The following MYO3A variants were observed in gnomAD, a reference collection of about 807,000 sequenced individuals.
The protein encoded by MYO3A is myosin-IIIa.
A neutral mutation model predicts 192.7 loss-of-function variants in MYO3A; 180 were observed. The ratio of observed to expected loss-of-function variants is 0.93; its 90% CI spans 0.83 to 1.06. The LOEUF (loss-of-function observed/expected upper bound fraction) is 1.06. MYO3A is among the 50% of genes least tolerant of loss of function. MYO3A has a pLI of 0.00. For synonymous variants in MYO3A, 628 were observed against 645.3 expected, an observed-to-expected ratio of 0.97 and a Z score of 0.41; for missense variants, 1,896 against 1,905.0, an observed-to-expected ratio of 1.00 and a Z score of 0.09.
intron 31 of MYO3A, among the ~76,000 whole-genome samples, chr10:26,180,408 T>C (rs1842565596): frequency 6.6e-6 from 1 of 152,150 alleles, no homozygotes; most frequent in Non-Finnish European, 1.5e-5. Context: ...TACCTCATAA[T>C]TAACTATAAA....
At chr10:26,149,342 C>A (rs1466262845) in intron 23 of MYO3A, among the ~76,000 whole-genome samples, 1 of 152,076 alleles carries the variant, frequency 6.6e-6, no homozygotes, top group African/African-American at 2.4e-5. Context: ...TCAAGAGATT[C>A]TCCTACTCCA....
chr10:26,146,380 C>T (rs987858204), intron 22 of MYO3A, among the ~76,000 whole-genome samples: 1 of 152,194 alleles, frequency 6.6e-6, no homozygotes, highest in South Asian at 2.1e-4. Context: ...TTAGTCTGCT[C>T]GGGCTGCCAT....
chr10:26,070,525 C>T, intron 14 of MYO3A, 124 bp downstream of exon 14: 2 of 876,206 alleles, frequency 2.3e-6, no homozygotes, highest in Non-Finnish European at 3.6e-6. Context: ...TTTTAAAATA[C>T]AGTTGTTATC....
intron 10 of MYO3A, among the ~76,000 whole-genome samples, chr10:26,065,128 A>G (rs1196562529): frequency 5.9e-5 from 9 of 152,234 alleles, no homozygotes; most frequent in Non-Finnish European, 1.3e-4. Flanking sequence ...AGAGACTTAC[A>G]GGAAACCAAG....
chr10:25,974,243 A>G (rs1489557567), intron 4 of MYO3A, among the ~76,000 whole-genome samples: 1 of 152,236 alleles, frequency 6.6e-6, no homozygotes, highest in Non-Finnish European at 1.5e-5. Context: ...GCAAATTTAC[A>G]TATGTAACAA....
chr10:25,994,445 G>T (rs1165548976), intron 4 of MYO3A, among the ~76,000 whole-genome samples: 4 of 152,178 alleles, frequency 2.6e-5, no homozygotes, highest in Non-Finnish European at 4.4e-5. Context: ...ACAGCACACT[G>T]ATGGGTCTTG....
intron 17 of MYO3A, among the ~76,000 whole-genome samples, chr10:26,109,708 C>T (rs1355156812): frequency 6.6e-6 from 1 of 152,168 alleles, no homozygotes; most frequent in East Asian, 1.9e-4. Context: ...CTAGTATGGG[C>T]TTTCTCCTTA....
At chr10:26,023,844 G>A (rs750803243) in intron 8 of MYO3A, among the ~76,000 whole-genome samples, 178 bp from the exon 9 acceptor site, 5 of 152,262 alleles carry the variant, frequency 3.3e-5, no homozygotes, top group East Asian at 1.9e-4. Flanking sequence ...AACAAAGACC[G>A]TGTCATTTTG....
intron 2 of MYO3A, among the ~76,000 whole-genome samples, chr10:25,951,006 A>T (rs1339802): frequency 0.081 from 12,292 of 152,202 alleles, 809 homozygotes; most frequent in African/African-American, 0.17. Context: ...AGAAAAGAGC[A>T]TTACTTGGAA....
chr10:25,967,119 A>T (rs985061004), intron 4 of MYO3A, among the ~76,000 whole-genome samples: 2 of 152,204 alleles, frequency 1.3e-5, no homozygotes, highest in African/African-American at 2.4e-5. Context: ...AGTTATGCAG[A>T]AAAAAGCTCT....
chr10:25,938,108 A>T (rs1215369018), intron 2 of MYO3A, among the ~76,000 whole-genome samples: 3 of 152,170 alleles, frequency 2.0e-5, no homozygotes, highest in Non-Finnish European at 4.4e-5. Context: ...GCTTTGTTTT[A>T]TTATTTTCAT....
At position 26,145,518 on chromosome 10, in the gene MYO3A, A is replaced by T; in HGVS notation, c.2489A>T (p.His830Leu). The change falls in exon 22 of 35, where the codon CAC becomes CTC. Residue 830 changes from histidine (H) to leucine (L), a missense_variant. Physicochemically the swap from His to Leu is moderately conservative, Grantham distance 99 (BLOSUM62 -3). Coordinates refer to ENST00000642920, the MANE Select transcript of MYO3A (RefSeq NM_017433.5). Reference protein sequence around the residue: ...PKRMELSFGIHHYAGKVLYNA... With the variant: ...PKRMELSFGILHYAGKVLYNA... ...AGAATGGAACTTAGTTTTGGAATTC[A>T]CCATTATGCAGGAAAGGTAAGAACT... 2 of 1,602,082 alleles carry T rather than the reference A, an allele frequency of 1.2e-6. No individual in the cohort carries two copies. The highest frequency in any genetic ancestry group is 1.7e-6 in the Non-Finnish European group (2 of 1,169,072).
At chr10:25,990,512 T>C (rs1839947359) in intron 4 of MYO3A, among the ~76,000 whole-genome samples, 1 of 150,410 alleles carries the variant, frequency 6.6e-6, no homozygotes, top group South Asian at 2.1e-4. Flanking sequence ...TTTTTTAATA[T>C]ATATATTTTT....
chr10:26,198,686 C>T (rs2132185876), intron 32 of MYO3A, among the ~76,000 whole-genome samples: 1 of 152,168 alleles, frequency 6.6e-6, no homozygotes, highest in East Asian at 1.9e-4. Flanking sequence ...TCGGGTGGGG[C>T]TGGAGGGGGA....
intron 15 of MYO3A, among the ~76,000 whole-genome samples, chr10:26,091,792 G>A (rs1836716803): frequency 6.6e-6 from 1 of 152,224 alleles, no homozygotes; most frequent in South Asian, 2.1e-4. Flanking sequence ...GGCAATGACT[G>A]AGTTGGAGTT....
At chr10:26,055,411 G>T (rs1009259458) in intron 10 of MYO3A, among the ~76,000 whole-genome samples, 1 of 146,780 alleles carries the variant, frequency 6.8e-6, no homozygotes, top group African/African-American at 2.5e-5. Context: ...CTCCCCACAG[G>T]TAGGAAAATA....
At chr10:26,125,931 C>A (rs1839193801) in intron 19 of MYO3A, among the ~76,000 whole-genome samples, 1 of 151,984 alleles carries the variant, frequency 6.6e-6, no homozygotes, top group Admixed American at 6.6e-5. Context: ...GAAGCATATA[C>A]CATTTTATGC....
At chr10:26,113,488 CA>C (rs1159491321) in intron 17 of MYO3A, among the ~76,000 whole-genome samples, 1 of 129,688 alleles carries the variant, frequency 7.7e-6, no homozygotes, top group East Asian at 2.1e-4. Context: ...AAAAAAAAAA[CA>C]AAAAAAAACT....
At chr10:26,008,078 G>C (rs1432704234) in intron 6 of MYO3A, among the ~76,000 whole-genome samples, 1 of 148,714 alleles carries the variant, frequency 6.7e-6, no homozygotes, top group African/African-American at 2.6e-5. Context: ...AAATAACGCC[G>C]CATATCTACA....
Sources: allele counts gnomAD v4.1 joint callset (sites outside exome capture counted in the v4.1 genomes callset), GRCh38; gene constraint gnomAD v4.1.1; transcripts MANE v1.5; gene names NCBI Gene and HGNC (gene_info 2026-07-23, HGNC 2026-07-21).